The following XKR6 variants were observed in gnomAD, a reference collection of about 807,000 sequenced individuals.
XKR6 encodes the protein XK related 6.
XKR6 carries 22 observed loss-of-function variants against 56.7 expected under a neutral mutation model. That is an observed-to-expected ratio of 0.39 (90% CI 0.28 to 0.55). The LOEUF (loss-of-function observed/expected upper bound fraction) is 0.55, where lower values mean the gene tolerates loss of function less well. Ranked by LOEUF, XKR6 falls within the 20% of genes least tolerant of loss-of-function variation. The pLI is 0.66. For missense variants in XKR6, 852 were observed against 889.0 expected (o/e 0.96, Z 0.53); for synonymous variants, 524 against 387.8 (o/e 1.35, Z -4.13).
chr8:11,072,124 A>G (rs1382559201), intron 1 of XKR6, among the ~76,000 whole-genome samples: 1 of 152,244 alleles, frequency 6.6e-6, no homozygotes, highest in Non-Finnish European at 1.5e-5. Flanking sequence ...CCCAACAGTC[A>G]ACCCACATCA....
At position 11,197,426 on chromosome 8, in the gene XKR6, C is replaced by T. The variant is rs191926061; in HGVS notation, c.764+3150G>A. Among the ~76,000 whole-genome samples the T allele has an allele frequency of 6.0e-4, 92 of 152,324 alleles. 1 individual carries two copies. Among genetic ancestry groups the T allele is most frequent in the Middle Eastern group, 3.4e-3 (1 of 294 alleles). Reference sequence around the variant, plus strand: ...AATGCAACAGGCAAACTAAATCACACTGCTCCTAAAGCCAAACCCTCCAAG... The same window carrying T: ...AATGCAACAGGCAAACTAAATCACATTGCTCCTAAAGCCAAACCCTCCAAG... On this transcript the variant is annotated intron_variant, in intron 1 of 2. Transcript: ENST00000416569.
At chr8:10,991,720 T>A (rs1301946015) in intron 1 of XKR6, among the ~76,000 whole-genome samples, 1 of 152,180 alleles carries the variant, frequency 6.6e-6, no homozygotes, top group Non-Finnish European at 1.5e-5. Flanking sequence ...CTAAATTTAT[T>A]TAAAGGTAGA....
At chr8:10,925,416 G>C (rs1586312826) in intron 1 of XKR6, among the ~76,000 whole-genome samples, 1 of 152,318 alleles carries the variant, frequency 6.6e-6, no homozygotes, top group African/African-American at 2.4e-5. Flanking sequence ...CCTGTCGCCG[G>C]ATAGTGGAAC....
intron 1 of XKR6, among the ~76,000 whole-genome samples, chr8:11,182,259 G>A (rs369005874): frequency 2.3e-4 from 35 of 152,292 alleles, no homozygotes; most frequent in Non-Finnish European, 4.0e-4. Context: ...TGACGTCGTA[G>A]GATGGGGAAT....
intron 1 of XKR6, among the ~76,000 whole-genome samples, chr8:11,090,202 G>T (rs139618844): frequency 6.6e-6 from 1 of 151,974 alleles, no homozygotes; most frequent in East Asian, 1.9e-4. Context: ...CTCCCACCTC[G>T]GCCTCTCACG....
intron 1 of XKR6, among the ~76,000 whole-genome samples, chr8:11,148,248 G>A: frequency 6.6e-6 from 1 of 152,048 alleles, no homozygotes. Context: ...AAACTAAAAT[G>A]AGGCTATCAT....
At chr8:10,942,846 C>T (rs574346113) in intron 1 of XKR6, among the ~76,000 whole-genome samples, 1 of 152,340 alleles carries the variant, frequency 6.6e-6, no homozygotes, top group East Asian at 1.9e-4. Flanking sequence ...CACAGCAAAG[C>T]TTTTGAGACA....
At chr8:11,031,420 G>C (rs530340339) in intron 1 of XKR6, among the ~76,000 whole-genome samples, 30 of 152,190 alleles carry the variant, frequency 2.0e-4, no homozygotes, top group African/African-American at 6.0e-4. Context: ...AGGCAGGTCC[G>C]AGTAAGGCAC....
chr8:11,197,769 A>G (rs1348358722), intron 1 of XKR6, among the ~76,000 whole-genome samples: 4 of 151,192 alleles, frequency 2.6e-5, no homozygotes, highest in South Asian at 2.1e-4. Context: ...AAGTTATTTG[A>G]TAAAAGACGT....
chr8:11,132,330 C>T (rs901719534), intron 1 of XKR6, among the ~76,000 whole-genome samples: 1 of 152,148 alleles, frequency 6.6e-6, no homozygotes, highest in Middle Eastern at 3.4e-3. Context: ...CTTAACCAAA[C>T]CTAAATAACT....
chr8:11,009,210 T>C (rs1046405744), intron 1 of XKR6, among the ~76,000 whole-genome samples: 2 of 152,108 alleles, frequency 1.3e-5, no homozygotes, highest in African/African-American at 4.8e-5. Flanking sequence ...CGCCCTCTCA[T>C]TGAAAAGGTA....
At chr8:11,073,195 G>C (rs1476480223) in intron 1 of XKR6, among the ~76,000 whole-genome samples, 1 of 152,162 alleles carries the variant, frequency 6.6e-6, no homozygotes, top group Non-Finnish European at 1.5e-5. Context: ...CAAAATCCGA[G>C]TCCCTGTGGA....
At chr8:10,973,373 G>A (rs759628944) in intron 1 of XKR6, among the ~76,000 whole-genome samples, 17 of 152,102 alleles carry the variant, frequency 1.1e-4, no homozygotes, top group Non-Finnish European at 2.4e-4. Flanking sequence ...GGGTTCCCTG[G>A]CCCCTGGACC....
intron 1 of XKR6, chr8:11,125,921 G>C (rs1799760846): frequency 6.6e-6 from 1 of 152,218 alleles, no homozygotes; most frequent in South Asian, 2.1e-4. Context: ...CTAATGCCAT[G>C]TTGCTTCTCT....
At chr8:11,098,291 G>GCA (rs894977186) in intron 1 of XKR6, among the ~76,000 whole-genome samples, 8 of 151,546 alleles carry the variant, frequency 5.3e-5, no homozygotes, top group Admixed American at 1.3e-4. Flanking sequence ...AGGCGCGCGC[G>GCA]CACACACACA....
chr8:11,068,025 T>A (rs1800025053), intron 1 of XKR6, among the ~76,000 whole-genome samples: 1 of 152,238 alleles, frequency 6.6e-6, no homozygotes, highest in South Asian at 2.1e-4. Flanking sequence ...TCCCTGGGGT[T>A]CAGGGTCACA....
intron 1 of XKR6, among the ~76,000 whole-genome samples, chr8:11,103,330 G>A (rs1186462767): frequency 6.6e-6 from 1 of 152,134 alleles, no homozygotes; most frequent in African/African-American, 2.4e-5. Flanking sequence ...AAATCATGAA[G>A]AGATTCAAAC....
intron 1 of XKR6, among the ~76,000 whole-genome samples, chr8:11,116,733 C>T (rs11778398): frequency 0.34 from 51,267 of 152,012 alleles, 9,601 homozygotes; most frequent in Non-Finnish European, 0.44. Context: ...GCCTCCCGAA[C>T]TCAGATGTCC....
chr8:11,179,686 T>C (rs1401622003), intron 1 of XKR6, among the ~76,000 whole-genome samples: 4 of 152,188 alleles, frequency 2.6e-5, no homozygotes, highest in Non-Finnish European at 5.9e-5. Context: ...AATTGCTCGG[T>C]GTCAACACTG....
Sources: gnomAD v4.1 joint callset for allele counts (sites outside exome capture counted in the v4.1 genomes callset) on GRCh38, gnomAD v4.1.1 for gene constraint, MANE v1.5 for transcripts, NCBI Gene and HGNC (gene_info 2026-07-23, HGNC 2026-07-21) for gene names.